The following TPM1 variants were observed in gnomAD, a reference collection of about 807,000 sequenced individuals.
TPM1 encodes tropomyosin alpha-1 chain.
Under a neutral mutation model 42.9 loss-of-function variants are expected in TPM1, and 24 were observed. The observed-to-expected ratio is 0.56, with a 90% confidence interval of 0.41 to 0.79. The LOEUF is 0.79. Among genes scored for constraint, TPM1 ranks in the 30% least tolerant of loss-of-function variants. The pLI is 0.00. For synonymous variants in TPM1, 136 were observed against 130.1 expected, an observed-to-expected ratio of 1.05 and a Z score of -0.31; for missense variants, 158 against 351.8, an observed-to-expected ratio of 0.45 and a Z score of 4.41.
chr15:63,059,481 C>T, intron 3 of TPM1, 82 bp from the exon 4 acceptor site: 3 of 1,106,606 alleles, frequency 2.7e-6, no homozygotes, highest in Non-Finnish European at 2.7e-6. Context: ...TTACACTAAG[C>T]CTCACAAGCC....
downstream of TPM1, chr15:63,069,962 T>G (rs531582147): frequency 6.2e-7 from 1 of 1,613,852 alleles, no homozygotes. Context: ...GTGAAAAAAC[T>G]TGGGCTGAAT....
chr15:63,054,083 T>C (rs1465402948), intron 2 of TPM1, among the ~76,000 whole-genome samples: 1 of 152,118 alleles, frequency 6.6e-6, no homozygotes, highest in Non-Finnish European at 1.5e-5. Flanking sequence ...AGCTAAAAAA[T>C]TGAGACCCTA....
At chr15:63,058,526 G>C (rs187161661) in intron 3 of TPM1, among the ~76,000 whole-genome samples, 2 of 152,100 alleles carry the variant, frequency 1.3e-5, no homozygotes, top group African/African-American at 4.8e-5. Flanking sequence ...GGCTAACGTG[G>C]CATAACCCCT....
In TPM1 at chr15:63,071,584, T is replaced by C. The variant is rs578239300; in HGVS notation, c.*412T>C. 7 of 265,850 alleles carry C rather than the reference T, an allele frequency of 2.6e-5. No individual in the cohort carries two copies. In the East Asian group the frequency reaches 6.9e-4, roughly 26 times the overall value. The allele number at this position is 265,850 out of a possible 1,614,324, so 16.5% of individuals were successfully genotyped here. A position where few individuals can be genotyped will look rare whatever the true frequency, so the allele number is the denominator to read the frequency against. ...TGGTCTTTTGTTCAACATTGTACAA[T>C]GTAGAACTCTGTCCAACACTAATTT... is the stretch of plus-strand genomic sequence containing the variant. On this transcript the variant is annotated 3_prime_UTR_variant, in exon 9 of 9. Transcript: ENST00000267996.
At chr15:63,054,968 G>A (rs1426889978) in intron 2 of TPM1, among the ~76,000 whole-genome samples, 2 of 150,688 alleles carry the variant, frequency 1.3e-5, no homozygotes, top group African/African-American at 4.9e-5. Context: ...GAAAAGTGAA[G>A]AAATCTTACC....
At chr15:63,051,440 CATT>C (rs2140813589) in intron 2 of TPM1, among the ~76,000 whole-genome samples, 1 of 151,996 alleles carries the variant, frequency 6.6e-6, no homozygotes, top group South Asian at 2.1e-4. Context: ...TGTTCTCCCT[CATT>C]ATACAAATAT....
chr15:63,053,232 G>A (rs563849531), intron 2 of TPM1, among the ~76,000 whole-genome samples: 40 of 152,310 alleles, frequency 2.6e-4, no homozygotes, highest in Non-Finnish European at 4.9e-4. Context: ...TTTAGCAGAT[G>A]ATTTGCATTG....
chr15:63,062,410 T>A lies in TPM1; in HGVS notation c.702+133T>A. On this transcript the variant is annotated intron_variant, in intron 7 of 9. Coordinates refer to ENST00000403994, the MANE Select transcript of TPM1 (RefSeq NM_001018005.2). ...TATTCAAAGGTCGCCTTGGAGTTTA[T>A]GTACTGTGCTAACTGCCATTTCTCA... is the stretch of plus-strand genomic sequence containing the variant. The A allele has an allele frequency of 2.4e-6, 3 of 1,254,286 alleles. No homozygotes were observed. The East Asian group carries it at 7.4e-5, about 31-fold the overall frequency. 77.7% of individuals were successfully genotyped at this position (1,254,286 alleles called of 1,614,324 possible).
chr15:63,071,058 A>G (rs752185574), downstream of TPM1: 9 of 1,613,444 alleles, frequency 5.6e-6, no homozygotes, highest in Non-Finnish European at 7.6e-6. Flanking sequence ...AAGCACAGCT[A>G]TTCATGACTT....
chr15:63,071,021 T>TA, downstream of TPM1: 1 of 1,608,164 alleles, frequency 6.2e-7, no homozygotes, highest in Non-Finnish European at 8.5e-7. Flanking sequence ...TTTGCCTGCC[T>TA]AAATGTACAA....
rs201411148 is a variant in TPM1 at position 63,064,240 on chromosome 15, C to CA, written c.851+99dup. 16,770 of 1,552,198 alleles carry CA rather than the reference C, an allele frequency of 0.011. 171 individuals carry two copies. Among genetic ancestry groups the CA allele is most frequent in the South Asian group, 0.043 (3,636 of 84,304 alleles). On this transcript the variant is annotated intron_variant, in intron 9 of 9. Coordinates refer to ENST00000403994, the MANE Select transcript of TPM1 (RefSeq NM_001018005.2). ...CCTTGCTCCCTAATCTCCATCTTTG[C>CA]ACTCTTGTGTTCACCCTTTTTGTCA...
downstream of TPM1, among the ~76,000 whole-genome samples, chr15:63,066,417 G>A (rs754597585): frequency 6.6e-5 from 10 of 152,204 alleles, no homozygotes; most frequent in Non-Finnish European, 1.3e-4. Context: ...GACATTGCTT[G>A]TTGAGAGTTG....
intron 2 of TPM1, among the ~76,000 whole-genome samples, chr15:63,055,355 C>T (rs1452733670): frequency 1.3e-5 from 2 of 152,196 alleles, no homozygotes; most frequent in African/African-American, 4.8e-5. Flanking sequence ...CTACTCACCT[C>T]TCTTCCCAGA....
intron 2 of TPM1, chr15:63,046,492 C>T (rs1289064537): frequency 6.6e-6 from 1 of 152,150 alleles, no homozygotes; most frequent in Non-Finnish European, 1.5e-5. Context: ...ACTATTATTA[C>T]TAAAAACATT....
chr15:63,048,226 C>A, intron 2 of TPM1: 1 of 472,908 alleles, frequency 2.1e-6, no homozygotes, highest in Non-Finnish European at 4.2e-6. Flanking sequence ...GAAGCCAGAG[C>A]CCTAGTGCAG....
intron 2 of TPM1, chr15:63,048,785 C>A (rs1258862362): frequency 5.3e-6 from 8 of 1,496,840 alleles, no homozygotes; most frequent in South Asian, 1.2e-5. Flanking sequence ...CTCCTGCTTC[C>A]CCCCCCGCAG....
chr15:63,050,151 G>C (rs1239916671), intron 2 of TPM1, among the ~76,000 whole-genome samples: 1 of 152,226 alleles, frequency 6.6e-6, no homozygotes, highest in Non-Finnish European at 1.5e-5. Context: ...GGTAAGTGCT[G>C]TGTGCCCGCT....
At position 63,053,054 on chromosome 15, in the gene TPM1, C is replaced by G. The variant is rs192609387; in HGVS notation, c.241-3931C>G. Among the ~76,000 whole-genome samples, 49 of 152,280 alleles carry G rather than the reference C, an allele frequency of 3.2e-4. No homozygotes were observed. The East Asian group carries it at 9.5e-3, about 29-fold the overall frequency. On this transcript the variant is annotated intron_variant, in intron 2 of 9. Transcript: ENST00000403994. Reference sequence around the variant, plus strand: ...TAGGTCCTGGCTTTAACCTCAAAGCCCCTCTGCCTGTCCTGCTCTGAAACC... The same window carrying G: ...TAGGTCCTGGCTTTAACCTCAAAGCGCCTCTGCCTGTCCTGCTCTGAAACC...
intron 9 of TPM1, 46 bp from the exon 10 acceptor site, chr15:63,065,850 C>A (rs1350810113): frequency 2.0e-6 from 3 of 1,526,858 alleles, no homozygotes; most frequent in Non-Finnish European, 2.6e-6. Context: ...TTTTTTTTCT[C>A]ATTGTGCCAC....
Sources: gnomAD v4.1 joint callset for allele counts (sites outside exome capture counted in the v4.1 genomes callset) on GRCh38, gnomAD v4.1.1 for gene constraint, MANE v1.5 for transcripts, NCBI Gene and HGNC (gene_info 2026-07-23, HGNC 2026-07-21) for gene names.